ITPRID1: variants seen among roughly 807,000 people sequenced by gnomAD.
ITPRID1 encodes the protein ITPR interacting domain containing 1.
A neutral mutation model predicts 95.4 loss-of-function variants in ITPRID1; 96 were observed. The observed-to-expected ratio is 1.01, with a 90% confidence interval of 0.85 to 1.19. The LOEUF (loss-of-function observed/expected upper bound fraction) is 1.19. Among genes scored for constraint, ITPRID1 ranks in the 50% most tolerant of loss-of-function variants. The probability of loss-of-function intolerance (pLI) is 0.00; values close to 1 mark genes in which losing one functional copy is unlikely to be tolerated. For synonymous variants in ITPRID1, 510 were observed against 453.6 expected, an observed-to-expected ratio of 1.12 and a Z score of -1.58; for missense variants, 1,339 against 1,252.9, an observed-to-expected ratio of 1.07 and a Z score of -1.04.
At chr7:31,582,690 T>C (rs1002426702) in intron 9 of ITPRID1, among the ~76,000 whole-genome samples, 1 of 152,176 alleles carries the variant, frequency 6.6e-6, no homozygotes, top group African/African-American at 2.4e-5. Context: ...CTTTAAAAAT[T>C]TCAAAAATAA....
At chr7:31,554,313 CAGG>C (rs1482517646) in intron 3 of ITPRID1, 159 bp from the exon 4 acceptor site, 2 of 1,272,054 alleles carry the variant, frequency 1.6e-6, no homozygotes, top group South Asian at 2.3e-5. Flanking sequence ...TCATGGAAAA[CAGG>C]AGATTTTGCC....
chr7:31,545,308 G>A (rs1342889898), intron 1 of ITPRID1, among the ~76,000 whole-genome samples: 8 of 152,096 alleles, frequency 5.3e-5, no homozygotes, highest in Non-Finnish European at 8.8e-5. Flanking sequence ...AAAGAACTTG[G>A]ATTGCAGTGA....
chr7:31,594,347 T>C (rs1339407416), intron 10 of ITPRID1, among the ~76,000 whole-genome samples: 1 of 152,216 alleles, frequency 6.6e-6, no homozygotes, highest in African/African-American at 2.4e-5. Flanking sequence ...CAGATGGTTG[T>C]ATAATATTTC....
At chr7:31,573,815 TAAC>T (rs1785079114) in intron 7 of ITPRID1, among the ~76,000 whole-genome samples, 1 of 150,448 alleles carries the variant, frequency 6.6e-6, no homozygotes, top group Non-Finnish European at 1.5e-5. Context: ...TCTATAATTA[TAAC>T]AAAATTAAAT....
At position 31,643,585 on chromosome 7, in the gene ITPRID1, G is replaced by A. The variant is rs1403657525; in HGVS notation, c.2215G>A (p.Val739Met). The A allele has an allele frequency of 1.2e-6, 2 of 1,614,040 alleles. No individual in the cohort carries two copies. Among genetic ancestry groups the A allele is most frequent in the South Asian group, 1.1e-5 (1 of 91,084 alleles). The stretch of plus-strand genomic sequence containing the variant: ...CAGAGGAACATCTTTAGAATGCACT[G>A]TGTGTGATCCTGTTACCGCAACAGA... ...GPRGTSLECTVCDPVTATETR... is the reference protein window; with the variant it reads ...GPRGTSLECTMCDPVTATETR... The change falls in exon 12 of 15, where the codon GTG (valine) becomes ATG (methionine). Residue 739 changes from valine (V) to methionine (M), a missense_variant. Transcript: ENST00000615280.
chr7:31,599,593 C>CTTTCTTTCTTTCTTT (rs1397793271), intron 10 of ITPRID1, among the ~76,000 whole-genome samples: 2 of 64,004 alleles, frequency 3.1e-5, no homozygotes, highest in South Asian at 1.5e-3. Flanking sequence ...TATTTTCTTT[C>CTTTCTTTCTTTCTTT]TTTCTTTCTT....
rs543922976 is a variant in ITPRID1, at chr7:31,563,531, G to C, written c.257-6227G>C. On this transcript the variant is annotated intron_variant, in intron 5 of 14. Transcript: ENST00000615280. Reference sequence around the variant, plus strand: ...CTATCTTTGTTCACCTGAAAAGGTCGTGAATAATTTGTGATAATAATTAGT... The same window carrying C: ...CTATCTTTGTTCACCTGAAAAGGTCCTGAATAATTTGTGATAATAATTAGT... Among the ~76,000 whole-genome samples the C allele has an allele frequency of 6.6e-5, 10 of 152,266 alleles. No individual in the cohort carries two copies. The South Asian group carries it at 2.1e-3, about 32-fold the overall frequency.
At chr7:31,554,324 G>T in intron 3 of ITPRID1, 151 bp from the exon 4 acceptor site, 1 of 1,326,656 alleles carries the variant, frequency 7.5e-7, no homozygotes, top group Non-Finnish European at 9.8e-7. Context: ...AGGAGATTTT[G>T]CCTTCAGGAA....
chr7:31,640,549 C>G (rs532025181), intron 10 of ITPRID1, among the ~76,000 whole-genome samples: 1 of 152,184 alleles, frequency 6.6e-6, no homozygotes, highest in African/African-American at 2.4e-5. Context: ...TCTCTCAAAG[C>G]GCTAAGCTGG....
chr7:31,591,170 A>C (rs1785850356), intron 10 of ITPRID1, among the ~76,000 whole-genome samples: 1 of 152,244 alleles, frequency 6.6e-6, no homozygotes, highest in Non-Finnish European at 1.5e-5. Flanking sequence ...TATAAGATGA[A>C]TGATTTTTCC....
intron 10 of ITPRID1, among the ~76,000 whole-genome samples, chr7:31,618,475 A>ATATTTCTTTCCTGATCCGAAGGGAG: frequency 6.6e-6 from 1 of 152,108 alleles, no homozygotes; most frequent in Admixed American, 6.5e-5. Context: ...CAAGAAGGGA[A>ATATTTCTTTCCTGATCCGAAGGGAG]ATATTTCTTT....
chr7:31,630,335 A>G (rs533987142), intron 10 of ITPRID1, among the ~76,000 whole-genome samples: 11 of 151,704 alleles, frequency 7.3e-5, no homozygotes, highest in African/African-American at 2.7e-4. Flanking sequence ...GTTTTACATT[A>G]TCTCCTTTAA....
chr7:31,554,983 A>C, intron 5 of ITPRID1, 82 bp downstream of exon 5: 1 of 1,042,906 alleles, frequency 9.6e-7, no homozygotes. Flanking sequence ...TCTTCTTAAA[A>C]TGAGCATTAT....
chr7:31,650,716 T>A (rs1790870211), intron 12 of ITPRID1, among the ~76,000 whole-genome samples: 1 of 152,190 alleles, frequency 6.6e-6, no homozygotes, highest in South Asian at 2.1e-4. Context: ...ACATACCAGC[T>A]GAACAGATGT....
At chr7:31,518,434 A>G (rs1045442219) in intron 1 of ITPRID1, 3 of 152,268 alleles carry the variant, frequency 2.0e-5, no homozygotes, top group African/African-American at 7.2e-5. Flanking sequence ...TTCTAGGTGA[A>G]CTCGATGTTT....
At chr7:31,590,025 C>T in intron 10 of ITPRID1, among the ~76,000 whole-genome samples, 1 of 151,898 alleles carries the variant, frequency 6.6e-6, no homozygotes, top group East Asian at 1.9e-4. Flanking sequence ...AAAATGCTAA[C>T]AAAAATTTAT....
At chr7:31,542,266 G>A (rs567280265) in intron 1 of ITPRID1, among the ~76,000 whole-genome samples, 1 of 152,292 alleles carries the variant, frequency 6.6e-6, no homozygotes, top group East Asian at 1.9e-4. Flanking sequence ...TTCATTCCAT[G>A]TGTCCTAGGT....
chr7:31,650,089 C>T (rs567130992), intron 12 of ITPRID1, among the ~76,000 whole-genome samples: 16 of 152,200 alleles, frequency 1.1e-4, no homozygotes, highest in African/African-American at 3.1e-4. Context: ...TCCTAGAGAC[C>T]GGGGACAGAG....
chr7:31,619,374 T>C (rs1046628569), intron 10 of ITPRID1, among the ~76,000 whole-genome samples: 3 of 152,234 alleles, frequency 2.0e-5, no homozygotes, highest in African/African-American at 4.8e-5. Context: ...ACTCTCAGTG[T>C]TGAATTTTCA....
Sources: allele counts gnomAD v4.1 joint callset (sites outside exome capture counted in the v4.1 genomes callset), GRCh38; gene constraint gnomAD v4.1.1; transcripts MANE v1.5; gene names NCBI Gene and HGNC (gene_info 2026-07-23, HGNC 2026-07-21).